Variants in ZNF341 observed in about 807,000 individuals in gnomAD.
The protein encoded by ZNF341 is zinc finger protein 341.
A neutral mutation model predicts 87.7 loss-of-function variants in ZNF341; 52 were observed. The observed-to-expected ratio is 0.59, with a 90% CI of 0.47 to 0.75. The LOEUF is 0.75. Ranked by LOEUF, ZNF341 falls within the 30% of genes least tolerant of loss-of-function variation. The probability of loss-of-function intolerance (pLI) is 0.00; values close to 1 mark genes in which losing one functional copy is unlikely to be tolerated. For missense variants in ZNF341, 977 were observed against 1,145.9 expected, an observed-to-expected ratio of 0.85 and a Z score of 2.13; for synonymous variants, 459 against 472.7, an observed-to-expected ratio of 0.97 and a Z score of 0.38.
chr20:33,756,672 A>G (rs2019184891), intron 5 of ZNF341, among the ~76,000 whole-genome samples: 2 of 152,160 alleles, frequency 1.3e-5, no homozygotes, highest in Non-Finnish European at 2.9e-5. Context: ...TCAGCCACCT[A>G]GTTCTCTTAA....
In ZNF341 at chr20:33,770,051, C is replaced by T. The variant is rs149864501; in HGVS notation, c.1414-33C>T. ...GGCTGCAGTGGAGGAAGCTCTCCTG[C>T]CTCCTGTCACCTGCCCAGCGTCTTC... On this transcript the variant is annotated intron_variant, in intron 9 of 14. Transcript: ENST00000375200. 2.8e-4 allele frequency: 437 copies of T among 1,542,608 alleles called. 1 individual carries two copies. Among genetic ancestry groups the T allele is most frequent in the Non-Finnish European group, 3.7e-4 (411 of 1,119,686 alleles).
chr20:33,784,011 C>A, intron 12 of ZNF341, 147 bp downstream of exon 12: 1 of 732,350 alleles, frequency 1.4e-6, no homozygotes, highest in Non-Finnish European at 2.2e-6. Context: ...CATCTCCCTC[C>A]CCATCTCACT....
intron 5 of ZNF341, among the ~76,000 whole-genome samples, chr20:33,754,388 G>T (rs970891944): frequency 5.3e-5 from 8 of 152,142 alleles, no homozygotes; most frequent in Non-Finnish European, 8.8e-5. Context: ...CAACCCACCT[G>T]CACTAGAAAT....
chr20:33,767,788 A>G (rs6087517), intron 9 of ZNF341, among the ~76,000 whole-genome samples: 13,002 of 152,214 alleles, frequency 0.085, 641 homozygotes, highest in East Asian at 0.19. Flanking sequence ...TATTTCTCTC[A>G]CATTAAAGAA....
At chr20:33,776,598 C>G (rs2019632451) in intron 10 of ZNF341, among the ~76,000 whole-genome samples, 1 of 152,146 alleles carries the variant, frequency 6.6e-6, no homozygotes, top group South Asian at 2.1e-4. Context: ...GTTGACCAGA[C>G]TGGTCTGGAA....
chr20:33,751,998 C>G (rs564898901), intron 4 of ZNF341, among the ~76,000 whole-genome samples: 1 of 152,248 alleles, frequency 6.6e-6, no homozygotes, highest in South Asian at 2.1e-4. Context: ...TCTACATAAT[C>G]TGGTACAATA....
At chr20:33,738,009 T>C (rs2018727406) in intron 1 of ZNF341, among the ~76,000 whole-genome samples, 1 of 151,716 alleles carries the variant, frequency 6.6e-6, no homozygotes, top group Non-Finnish European at 1.5e-5. Context: ...TGGGGGCGTG[T>C]GCCTATAATC....
intron 7 of ZNF341, 91 bp downstream of exon 7, chr20:33,758,897 C>A: frequency 8.6e-7 from 1 of 1,157,872 alleles, no homozygotes; most frequent in South Asian, 1.3e-5. Context: ...AGCCCCTAGC[C>A]TGTGGGGTGA....
chr20:33,759,441 C>T (rs1403132379), intron 7 of ZNF341, among the ~76,000 whole-genome samples: 3 of 152,124 alleles, frequency 2.0e-5, no homozygotes, highest in East Asian at 3.9e-4. Context: ...TGCGCCACCA[C>T]GCCCGGCTAA....
At chr20:33,789,474 C>A (rs776262290) in intron 13 of ZNF341, 44 bp from the exon 14 acceptor site, 1 of 1,608,724 alleles carries the variant, frequency 6.2e-7, no homozygotes, top group Non-Finnish European at 8.5e-7. Context: ...CAAGAGGATC[C>A]TAAGCTTGGT....
At chr20:33,780,726 A>G (rs901248170) in intron 10 of ZNF341, among the ~76,000 whole-genome samples, 1 of 135,412 alleles carries the variant, frequency 7.4e-6, no homozygotes, top group Non-Finnish European at 1.6e-5. Context: ...TTTTTTTCTT[A>G]TTTAAATAGA....
At chr20:33,760,284 TC>T (rs747521620) in intron 7 of ZNF341, among the ~76,000 whole-genome samples, 45 of 152,192 alleles carry the variant, frequency 3.0e-4, no homozygotes, top group Admixed American at 5.2e-4. Context: ...GTGCTTGTAG[TC>T]CCAGCTACTC....
At position 33,791,299 on chromosome 20, in the gene ZNF341, C is replaced by T. The variant is rs2020021894; in HGVS notation, c.2347C>T (p.Leu783=). Residue 783 remains leucine (L), a synonymous_variant, in exon 15 of 15, where the codon CTG becomes TTG. Coordinates refer to ENST00000375200, the MANE Select transcript of ZNF341 (RefSeq NM_001282933.2). ...LEELKDTGAG[L]VPEAVPGKPP... is the part of the protein sequence containing the mutation. Reference sequence around the variant, plus strand: ...GGAGCTGAAGGACACAGGGGCTGGGCTGGTGCCCGAGGCTGTCCCCGGCAA... The same window carrying T: ...GGAGCTGAAGGACACAGGGGCTGGGTTGGTGCCCGAGGCTGTCCCCGGCAA... 6.2e-7 allele frequency: 1 copy of T among 1,611,592 alleles called. No individual in the cohort carries two copies. The highest frequency in any genetic ancestry group is 1.7e-4 in the Middle Eastern group (1 of 6,054).
chr20:33,757,299 C>A lies in ZNF341; in HGVS notation c.893C>A (p.Thr298Lys). The change falls in exon 6 of 15, where the codon ACG (threonine) becomes AAG (lysine). Residue 298 changes from threonine to lysine, a missense_variant. Around this residue, in one of 3 missense-constraint regions of ZNF341, gnomAD observed 515 missense variants for 598.2 expected, o/e 0.86. Transcript: ENST00000375200. ...GTVATFDSPA[T>K]LKTRRAKGAR... ...GTGGCCACCTTTGACTCTCCAGCAACGCTGAAGACCCGACGAGCTAAAGGT... is the reference window on the plus strand; with the variant it reads ...GTGGCCACCTTTGACTCTCCAGCAAAGCTGAAGACCCGACGAGCTAAAGGT... 3 of 1,595,198 alleles carry A rather than the reference C, an allele frequency of 1.9e-6. No homozygotes were observed. Among genetic ancestry groups the A allele is most frequent in the Admixed American group, 1.8e-5 (1 of 56,040 alleles).
At chr20:33,759,814 C>A (rs2019256463) in intron 7 of ZNF341, among the ~76,000 whole-genome samples, 2 of 152,090 alleles carry the variant, frequency 1.3e-5, no homozygotes, top group South Asian at 2.1e-4. Flanking sequence ...ACAAACCTCA[C>A]ATTCCAGCCA....
At chr20:33,774,681 A>G (rs2019595929) in intron 10 of ZNF341, among the ~76,000 whole-genome samples, 1 of 148,356 alleles carries the variant, frequency 6.7e-6, no homozygotes. Flanking sequence ...TTAAAACAGT[A>G]ATATAGCTGG....
At chr20:33,770,986 G>A (rs914099376) in intron 10 of ZNF341, among the ~76,000 whole-genome samples, 1 of 151,970 alleles carries the variant, frequency 6.6e-6, no homozygotes, top group Non-Finnish European at 1.5e-5. Flanking sequence ...GCCGGGCGTG[G>A]TGGTGGGCGC....
At chr20:33,749,165 G>A in intron 4 of ZNF341, 93 bp downstream of exon 4, 1 of 1,480,162 alleles carries the variant, frequency 6.8e-7, no homozygotes, top group African/African-American at 1.4e-5. Context: ...AGGGGGCCTG[G>A]CCCCAGCTCT....
At chr20:33,758,335 C>T (rs749920984) in intron 6 of ZNF341, among the ~76,000 whole-genome samples, 4 of 152,060 alleles carry the variant, frequency 2.6e-5, no homozygotes, top group Non-Finnish European at 5.9e-5. Context: ...TGCAAAGGCC[C>T]GGAGGCAGGA....
Sources: allele counts gnomAD v4.1 joint callset (sites outside exome capture counted in the v4.1 genomes callset), GRCh38; gene constraint gnomAD v4.1.1; regional missense constraint gnomAD v4.1.1; transcripts MANE v1.5; gene names NCBI Gene and HGNC (gene_info 2026-07-23, HGNC 2026-07-21).